Variants in MDFIC observed in about 807,000 individuals in gnomAD.
The protein encoded by MDFIC is myoD family inhibitor domain-containing protein.
Under a neutral mutation model 23.2 loss-of-function variants are expected in MDFIC, and 17 were observed. The ratio of observed to expected loss-of-function variants is 0.73; its 90% CI spans 0.50 to 1.10. The LOEUF (loss-of-function observed/expected upper bound fraction) is 1.10, where lower values mean the gene tolerates loss of function less well. MDFIC is among the 50% of genes least tolerant of loss of function. The pLI is 0.00. For missense variants in MDFIC, 356 were observed against 316.6 expected, an observed-to-expected ratio of 1.12 and a Z score of -0.95; for synonymous variants, 120 against 115.2, an observed-to-expected ratio of 1.04 and a Z score of -0.27.
chr7:114,962,880 C>G (rs183323690), intron 3 of MDFIC, among the ~76,000 whole-genome samples: 2 of 152,322 alleles, frequency 1.3e-5, no homozygotes, highest in Admixed American at 1.3e-4. Flanking sequence ...ATCATTCATA[C>G]TATTCTTTCT....
At chr7:114,961,794 G>T (rs1276272866) in intron 3 of MDFIC, among the ~76,000 whole-genome samples, 1 of 151,942 alleles carries the variant, frequency 6.6e-6, no homozygotes, top group Admixed American at 6.6e-5. Flanking sequence ...GGGGAAATTT[G>T]CCCCCATGAT....
intron 3 of MDFIC, among the ~76,000 whole-genome samples, chr7:114,961,389 T>C (rs1792988846): frequency 1.3e-5 from 2 of 152,194 alleles, no homozygotes; most frequent in Admixed American, 1.3e-4. Flanking sequence ...GTAGCAGCCC[T>C]GAGCTCCTGA....
At chr7:114,971,097 C>T (rs1187670071) in intron 3 of MDFIC, among the ~76,000 whole-genome samples, 2 of 152,142 alleles carry the variant, frequency 1.3e-5, no homozygotes, top group Non-Finnish European at 2.9e-5. Flanking sequence ...TTTACTTCAA[C>T]TAGTTAGAAT....
intron 4 of MDFIC, among the ~76,000 whole-genome samples, chr7:115,011,478 C>T (rs529762040): frequency 4.6e-4 from 70 of 152,160 alleles, no homozygotes; most frequent in African/African-American, 1.4e-3. Flanking sequence ...GTAAAGCAAC[C>T]ACTTACACCA....
intron 2 of MDFIC, among the ~76,000 whole-genome samples, chr7:114,940,113 A>C (rs1371661281): frequency 6.6e-6 from 1 of 152,216 alleles, no homozygotes; most frequent in African/African-American, 2.4e-5. Flanking sequence ...ACATTTCTCT[A>C]TGATAATGCT....
intron 4 of MDFIC, among the ~76,000 whole-genome samples, chr7:114,988,752 AGAG>A (rs1232259209): frequency 6.6e-6 from 1 of 152,212 alleles, no homozygotes; most frequent in East Asian, 1.9e-4. Context: ...ACGTAATTCA[AGAG>A]GAGAATTCCA....
At chr7:114,993,447 G>T (rs1044690285) in intron 4 of MDFIC, among the ~76,000 whole-genome samples, 1 of 152,110 alleles carries the variant, frequency 6.6e-6, no homozygotes, top group African/African-American at 2.4e-5. Flanking sequence ...TGATGTTAGG[G>T]TGTCAATTTA....
intron 4 of MDFIC, among the ~76,000 whole-genome samples, chr7:114,992,743 C>T (rs10249322): frequency 1.3e-5 from 2 of 152,222 alleles, no homozygotes; most frequent in South Asian, 2.1e-4. Flanking sequence ...CTTCTGGATT[C>T]GGTTTGCCAG....
intron 4 of MDFIC, among the ~76,000 whole-genome samples, chr7:114,990,285 A>G (rs1242225494): frequency 1.3e-5 from 2 of 152,112 alleles, no homozygotes; most frequent in Non-Finnish European, 2.9e-5. Flanking sequence ...AGAATCTGAC[A>G]AGAGTTATTT....
chr7:114,966,538 G>C (rs1234343601), intron 3 of MDFIC, among the ~76,000 whole-genome samples: 1 of 152,068 alleles, frequency 6.6e-6, no homozygotes, highest in East Asian at 1.9e-4. Flanking sequence ...GGGCTGATGA[G>C]TACTAGTGGA....
intron 4 of MDFIC, among the ~76,000 whole-genome samples, chr7:114,994,001 T>A (rs1302721088): frequency 6.6e-6 from 1 of 152,158 alleles, no homozygotes; most frequent in East Asian, 1.9e-4. Flanking sequence ...TTTGTAGGTC[T>A]CTAAGGAGTT....
intron 2 of MDFIC, among the ~76,000 whole-genome samples, chr7:114,936,177 T>G (rs1028523032): frequency 2.6e-5 from 4 of 152,190 alleles, no homozygotes; most frequent in Non-Finnish European, 2.9e-5. Context: ...TCCTTTGCTT[T>G]TAAACACTTC....
intron 3 of MDFIC, among the ~76,000 whole-genome samples, chr7:114,954,441 G>A (rs1289472762): frequency 6.6e-6 from 1 of 152,174 alleles, no homozygotes; most frequent in African/African-American, 2.4e-5. Flanking sequence ...CACATCGGTC[G>A]GTCTTCTCAC....
At chr7:114,983,181 A>G (rs987803987) in intron 4 of MDFIC, among the ~76,000 whole-genome samples, 2 of 152,246 alleles carry the variant, frequency 1.3e-5, no homozygotes, top group African/African-American at 4.8e-5. Context: ...GCAAACAAGT[A>G]GCAAAATAAT....
intron 3 of MDFIC, among the ~76,000 whole-genome samples, chr7:114,955,865 A>G (rs1424577512): frequency 6.6e-6 from 1 of 152,160 alleles, no homozygotes; most frequent in Non-Finnish European, 1.5e-5. Flanking sequence ...GAAGTTTTTC[A>G]TATATTGCTC....
chr7:114,967,497 T>A (rs1793121945), intron 3 of MDFIC, among the ~76,000 whole-genome samples: 1 of 152,182 alleles, frequency 6.6e-6, no homozygotes, highest in South Asian at 2.1e-4. Flanking sequence ...ACATATGGAA[T>A]CTTTGTCTTT....
intron 4 of MDFIC, among the ~76,000 whole-genome samples, chr7:115,015,383 T>C (rs752880800): frequency 6.6e-6 from 1 of 152,212 alleles, no homozygotes; most frequent in East Asian, 1.9e-4. Context: ...GTAAGAAGGA[T>C]AGAGAAGTGG....
intron 3 of MDFIC, among the ~76,000 whole-genome samples, chr7:114,971,461 G>A (rs1793203570): frequency 1.3e-5 from 2 of 152,260 alleles, no homozygotes; most frequent in Middle Eastern, 3.4e-3. Flanking sequence ...AAGCAGGGCT[G>A]GGTCTGGGAC....
chr7:114,953,239 CT>C (rs1477228698), intron 3 of MDFIC, among the ~76,000 whole-genome samples: 1 of 152,036 alleles, frequency 6.6e-6, no homozygotes, highest in Admixed American at 6.6e-5. Context: ...ATACATGTAA[CT>C]TGTTTTTTGA....
Sources: gnomAD v4.1 joint callset for allele counts (sites outside exome capture counted in the v4.1 genomes callset) on GRCh38, gnomAD v4.1.1 for gene constraint, MANE v1.5 for transcripts, NCBI Gene and HGNC (gene_info 2026-07-23, HGNC 2026-07-21) for gene names.